Variants in SOX10 observed in about 807,000 individuals in gnomAD.
SOX10 encodes the protein SRY-box transcription factor 10.
Under a neutral mutation model 35.0 loss-of-function variants are expected in SOX10, and 3 were observed. That is an observed-to-expected ratio of 0.09 (90% CI 0.04 to 0.22). The LOEUF (loss-of-function observed/expected upper bound fraction) is 0.22. SOX10 is among the 10% of genes least tolerant of loss of function. The probability of loss-of-function intolerance (pLI) is 1.00; values close to 1 mark genes in which losing one functional copy is unlikely to be tolerated. For missense variants in SOX10, 436 were observed against 655.1 expected (o/e 0.67, Z 3.65); for synonymous variants, 285 against 291.0 (o/e 0.98, Z 0.21).
At chr22:37,977,308 CCA>C (rs1361913854) in intron 3 of SOX10, among the ~76,000 whole-genome samples, 6 of 151,720 alleles carry the variant, frequency 4.0e-5, no homozygotes, top group African/African-American at 1.2e-4. Flanking sequence ...TCCATGACCT[CCA>C]CAGAGTCTTT....
Position 37,981,142 on chromosome 22 carries a change from G to A in SOX10, c.428+2215C>T, listed in dbSNP as rs561998953. On this transcript the variant is annotated intron_variant, in intron 2 of 3. Coordinates refer to ENST00000396884, the MANE Select transcript of SOX10 (RefSeq NM_006941.4). ...ACACTCCCTTGGGGCACTCCACACAGTCTGTGTGTATCTTTCTCTTTTTGG... is the reference window on the plus strand; with the variant it reads ...ACACTCCCTTGGGGCACTCCACACAATCTGTGTGTATCTTTCTCTTTTTGG... 5.9e-5 allele frequency among the ~76,000 whole-genome samples: 9 copies of A among 152,326 alleles called. No homozygotes were observed. In the South Asian group the frequency reaches 1.2e-3, roughly 21 times the overall value.
Position 37,978,129 on chromosome 22 carries a change from C to A in SOX10, c.435G>T (p.Leu145=). ...TGAAGGGGCGCTTGTCACTTTCGTT[C>A]AGCAGCCTGGGGTGTGGTGGGAGGC... is the stretch of plus-strand genomic sequence containing the variant. ...SKTLGKLWRL[L]NESDKRPFIE... The change falls in exon 3 of 4, where the codon CTG becomes CTT. Residue 145 remains leucine, a synonymous_variant. Coordinates refer to ENST00000396884, the MANE Select transcript of SOX10 (RefSeq NM_006941.4). The surrounding 1 kb of genome is among the most constrained non-coding windows in gnomAD (Gnocchi z 5.0). The A allele has an allele frequency of 6.4e-7, 1 of 1,566,592 alleles. No homozygotes were observed. Among genetic ancestry groups the A allele is most frequent in the South Asian group, 1.2e-5 (1 of 86,366 alleles).
In SOX10 at chr22:37,980,307, T is replaced by TCTGGGATGG. The variant is rs1932358016; in HGVS notation, c.429-2181_429-2173dup. ...AGCAGTGGACCCCAACAGAGGGGCT[T>TCTGGGATGG]CTGGGATGGCTGGGGACATGGGACA... On this transcript the variant is annotated intron_variant, in intron 2 of 3. Coordinates refer to ENST00000396884, the MANE Select transcript of SOX10 (RefSeq NM_006941.4). This position sits in a 1 kb window ranked among gnomAD's most constrained non-coding sequence, Gnocchi z 4.1. 6.6e-6 allele frequency among the ~76,000 whole-genome samples: 1 copy of TCTGGGATGG among 152,072 alleles called. No homozygotes were observed. The highest frequency in any genetic ancestry group is 1.5e-5 in the Non-Finnish European group (1 of 67,992).
Position 37,974,312 on chromosome 22 carries a change from C to T in SOX10, c.698-114G>A, listed in dbSNP as rs575870601. 5.2e-6 allele frequency: 4 copies of T among 770,688 alleles called. No individual in the cohort carries two copies. The highest frequency in any genetic ancestry group is 5.1e-5 in the South Asian group (3 of 58,620). 47.7% of individuals were successfully genotyped at this position (770,688 alleles called of 1,614,324 possible). On this transcript the variant is annotated intron_variant, in intron 3 of 3. Coordinates refer to ENST00000396884, the MANE Select transcript of SOX10 (RefSeq NM_006941.4). This position sits in a 1 kb window ranked among gnomAD's most constrained non-coding sequence, Gnocchi z 5.4. ...CAGGCAGCGGGTGCCTCTGGGAAAACCTTGTAAGTTTCACATTTTGGCAGC... is the reference window on the plus strand; with the variant it reads ...CAGGCAGCGGGTGCCTCTGGGAAAATCTTGTAAGTTTCACATTTTGGCAGC...
At chr22:37,977,382 G>A (rs1223497474) in intron 3 of SOX10, among the ~76,000 whole-genome samples, 1 of 150,788 alleles carries the variant, frequency 6.6e-6, no homozygotes, top group Non-Finnish European at 1.5e-5. Context: ...GTGCAGTGGC[G>A]CGATCCCGGC....
chr22:37,976,917 T>C (rs1034517717), intron 3 of SOX10, among the ~76,000 whole-genome samples: 1 of 152,060 alleles, frequency 6.6e-6, no homozygotes, highest in African/African-American at 2.4e-5. Context: ...GAATGGCTGG[T>C]GGGATTTGGG....
Position 37,983,626 on chromosome 22 carries a change from C to A in SOX10, c.159G>T (p.Lys53Asn). ...RASPGPGELG[K>N]VKKEQQDGEA... ...CGCCGTCCTGCTGCTCCTTCTTGAC[C>A]TTGCCCAGCTCGCCTGGCCCCGGGC... is the stretch of plus-strand genomic sequence containing the variant. Residue 53 changes from lysine to asparagine, a missense_variant, in exon 2 of 4, where the codon AAG (lysine) becomes AAT (asparagine). Transcript: ENST00000396884. The surrounding 1 kb of genome is among the most constrained non-coding windows in gnomAD (Gnocchi z 9.5). The A allele has an allele frequency of 6.2e-7, 1 of 1,604,762 alleles. No homozygotes were observed.
chr22:37,974,413 C>T lies in SOX10; in HGVS notation c.698-215G>A, dbSNP rs888212654. 3.4e-5 allele frequency among the ~76,000 whole-genome samples: 5 copies of T among 148,924 alleles called. No homozygotes were observed. The highest frequency in any genetic ancestry group is 5.9e-5 in the Non-Finnish European group (4 of 67,700). ...TGTTGCCCAGACTGGAGTGCAGTGG[C>T]GCCATCTCGGCTCACTGCAACCTCT... On this transcript the variant is annotated intron_variant, in intron 3 of 3. Transcript: ENST00000396884. The surrounding 1 kb of genome is among the most constrained non-coding windows in gnomAD (Gnocchi z 5.4).
At chr22:37,982,707 C>T (rs369111408) in intron 2 of SOX10, among the ~76,000 whole-genome samples, 4 of 152,144 alleles carry the variant, frequency 2.6e-5, no homozygotes, top group African/African-American at 9.6e-5. Flanking sequence ...GACTCTGGGG[C>T]AGGGCAGGAG....
Position 37,977,478 on chromosome 22 carries a change from G to A in SOX10, c.697+389C>T, listed in dbSNP as rs562880010. Reference sequence around the variant, plus strand: ...TGGGACTACAGGTGCTCGCCACCACGCCCAGCTAATTTTTTTTATTTTTAG... The same window carrying A: ...TGGGACTACAGGTGCTCGCCACCACACCCAGCTAATTTTTTTTATTTTTAG... On this transcript the variant is annotated intron_variant, in intron 3 of 3. Transcript: ENST00000396884. 1.1e-4 allele frequency among the ~76,000 whole-genome samples: 17 copies of A among 151,914 alleles called. No individual in the cohort carries two copies. The South Asian group carries it at 3.1e-3, about 28-fold the overall frequency.
Position 37,983,861 on chromosome 22 carries a change from A to T in SOX10, c.-77T>A. On this transcript the variant is annotated 5_prime_UTR_variant, in exon 2 of 4. In the 5' UTR this introduces an upstream ATG that the reference lacks. Coordinates refer to ENST00000396884, the MANE Select transcript of SOX10 (RefSeq NM_006941.4). The surrounding 1 kb of genome is among the most constrained non-coding windows in gnomAD (Gnocchi z 9.5). ...CGCCGGGGTCCTCGCAAAGAGTCCA[A>T]CGCCCACCTGGATGGAAGGAGGGCG... 1 of 1,246,840 alleles carries T rather than the reference A, an allele frequency of 8.0e-7. No homozygotes were observed. Among genetic ancestry groups the T allele is most frequent in the Non-Finnish European group, 1.0e-6 (1 of 973,596 alleles). The allele number at this position is 1,246,840 out of a possible 1,614,324, so 77.2% of individuals were successfully genotyped here.
chr22:37,974,290 G>T lies in SOX10; in HGVS notation c.698-92C>A. Reference sequence around the variant, plus strand: ...GTGAACTTCCATGGTTCACCTTCAGGCAGCGGGTGCCTCTGGGAAAACCTT... The same window carrying T: ...GTGAACTTCCATGGTTCACCTTCAGTCAGCGGGTGCCTCTGGGAAAACCTT... On this transcript the variant is annotated intron_variant, in intron 3 of 3. Coordinates refer to ENST00000396884, the MANE Select transcript of SOX10 (RefSeq NM_006941.4). This position sits in a 1 kb window ranked among gnomAD's most constrained non-coding sequence, Gnocchi z 5.4. 1 of 950,564 alleles carries T rather than the reference G, an allele frequency of 1.1e-6. No individual in the cohort carries two copies. Among genetic ancestry groups the T allele is most frequent in the South Asian group, 1.5e-5 (1 of 66,188 alleles). The allele number at this position is 950,564 out of a possible 1,614,324, so 58.9% of individuals were successfully genotyped here.
chr22:37,974,142 C>T lies in SOX10; in HGVS notation c.754G>A (p.Gly252Ser). The change falls in exon 4 of 4, where the codon GGC becomes AGC. Residue 252 changes from glycine (G) to serine (S), a missense_variant. By Grantham distance (56) the Gly-to-Ser change is moderately conservative. Transcript: ENST00000396884. The surrounding 1 kb of genome is among the most constrained non-coding windows in gnomAD (Gnocchi z 5.4). Reference protein sequence around the residue: ...PTTPKTELQSGKADPKRDGRS... With the variant: ...PTTPKTELQSSKADPKRDGRS... ...CCGTCCCGCTTCGGGTCTGCCTTGC[C>T]CGACTGCAGCTCTGTCTTCGGGGTG... 6.2e-7 allele frequency: 1 copy of T among 1,611,556 alleles called. No homozygotes were observed.
rs922690509 is a variant in SOX10 at position 37,973,914 on chromosome 22, T to C, written c.982A>G (p.Ser328Gly). ...TTGGAGATCCAGGCGGAGTGTCCAC[T>C]GGCCACGGCCAGGGCACTGCCCAGC... ...YGLGSALAVASGHSAWISKPP... is the reference protein window; with the variant it reads ...YGLGSALAVAGGHSAWISKPP... The change falls in exon 4 of 4, where the codon AGT becomes GGT. Residue 328 changes from serine (S) to glycine (G), a missense_variant. Physicochemically the swap from Ser to Gly is moderately conservative, Grantham distance 56 (BLOSUM62 0). Around this residue, in one of 3 missense-constraint regions of SOX10, gnomAD observed 285 missense variants for 402.9 expected, o/e 0.71. Transcript: ENST00000396884. 2 of 1,610,228 alleles carry C rather than the reference T, an allele frequency of 1.2e-6. No individual in the cohort carries two copies. Among genetic ancestry groups the C allele is most frequent in the African/African-American group, 1.3e-5 (1 of 75,054 alleles).
In SOX10 at chr22:37,980,855, G is replaced by A. The variant is rs1331640700; in HGVS notation, c.428+2502C>T. ...GCTACCTGTGTCCTGCTAGGCCAGG[G>A]GCATAAGAAGACTACTTGGGGAAGG... On this transcript the variant is annotated intron_variant, in intron 2 of 3. Transcript: ENST00000396884. The surrounding 1 kb of genome is among the most constrained non-coding windows in gnomAD (Gnocchi z 4.1). Among the ~76,000 whole-genome samples, 1 of 152,244 alleles carries A rather than the reference G, an allele frequency of 6.6e-6. No individual in the cohort carries two copies. Among genetic ancestry groups the A allele is most frequent in the African/African-American group, 2.4e-5 (1 of 41,466 alleles).
Position 37,978,250 on chromosome 22 carries a change from G to A in SOX10, c.429-115C>T, listed in dbSNP as rs1932285874. On this transcript the variant is annotated intron_variant, in intron 2 of 3. Transcript: ENST00000396884. The surrounding 1 kb of genome is among the most constrained non-coding windows in gnomAD (Gnocchi z 5.0). ...TTGGAAGATGTGAGGCCCTGGGATG[G>A]GGCACCCAGAGGACAGGACCCGGGG... 5.9e-6 allele frequency: 7 copies of A among 1,195,580 alleles called. No homozygotes were observed. In the South Asian group the frequency reaches 1.1e-4, roughly 19 times the overall value. 74.1% of individuals were successfully genotyped at this position (1,195,580 alleles called of 1,614,324 possible).
At chr22:37,981,616 T>C (rs1932397896) in intron 2 of SOX10, among the ~76,000 whole-genome samples, 1 of 152,210 alleles carries the variant, frequency 6.6e-6, no homozygotes, top group African/African-American at 2.4e-5. Flanking sequence ...GCTTTGACTC[T>C]CGTTGGGCTC....
At position 37,984,345 on chromosome 22, in the gene SOX10, G is replaced by A. The variant is rs1460971431; in HGVS notation, c.-91C>T. 6.6e-6 allele frequency: 1 copy of A among 152,618 alleles called. No individual in the cohort carries two copies. Among genetic ancestry groups the A allele is most frequent in the Admixed American group, 6.5e-5 (1 of 15,268 alleles). The allele number at this position is 152,618 out of a possible 1,614,324, so 9.5% of individuals were successfully genotyped here. On this transcript the variant is annotated 5_prime_UTR_variant, in exon 1 of 4. Coordinates refer to ENST00000396884, the MANE Select transcript of SOX10 (RefSeq NM_006941.4). This position sits in a 1 kb window ranked among gnomAD's most constrained non-coding sequence, Gnocchi z 4.4. Reference sequence around the variant, plus strand: ...GAGCAGGCTGCGCACTCACCTCCTCGGACCTCTCCTCCAGTCTGGGGCTCG... The same window carrying A: ...GAGCAGGCTGCGCACTCACCTCCTCAGACCTCTCCTCCAGTCTGGGGCTCG...
intron 3 of SOX10, among the ~76,000 whole-genome samples, chr22:37,977,605 C>T (rs1932261096): frequency 6.6e-6 from 1 of 152,112 alleles, no homozygotes; most frequent in Non-Finnish European, 1.5e-5. Flanking sequence ...CAGGTGTGAG[C>T]CACCACACCC....
Sources: allele counts gnomAD v4.1 joint callset (sites outside exome capture counted in the v4.1 genomes callset), GRCh38; gene constraint gnomAD v4.1.1; regional missense constraint gnomAD v4.1.1; non-coding constraint Gnocchi (gnomAD v3.1); transcripts MANE v1.5; gene names NCBI Gene and HGNC (gene_info 2026-07-23, HGNC 2026-07-21).